TGFA: variants seen among roughly 807,000 people sequenced by gnomAD.
TGFA encodes the protein protransforming growth factor alpha.
A neutral mutation model predicts 21.7 loss-of-function variants in TGFA; 12 were observed. That is an observed-to-expected ratio of 0.55 (90% CI 0.35 to 0.90). TGFA has a LOEUF of 0.90. Ranked by LOEUF, TGFA falls within the 40% of genes least tolerant of loss-of-function variation. The probability of loss-of-function intolerance (pLI) is 0.01; values close to 1 mark genes in which losing one functional copy is unlikely to be tolerated. For missense variants in TGFA, 178 were observed against 210.8 expected, an observed-to-expected ratio of 0.84 and a Z score of 0.96; for synonymous variants, 79 against 88.1, an observed-to-expected ratio of 0.90 and a Z score of 0.58.
chr2:70,458,153 G>C (rs1670296321), intron 3 of TGFA, among the ~76,000 whole-genome samples: 1 of 152,046 alleles, frequency 6.6e-6, no homozygotes, highest in Non-Finnish European at 1.5e-5. Context: ...ATTACATAAA[G>C]GCAAAGGTCA....
At position 70,529,495 on chromosome 2, in the gene TGFA, T is replaced by C. The variant is rs561686405; in HGVS notation, c.41-14583A>G. 1.8e-4 allele frequency among the ~76,000 whole-genome samples: 28 copies of C among 152,062 alleles called. No individual in the cohort carries two copies. The South Asian group carries it at 5.2e-3, about 28-fold the overall frequency. ...AGTCATCATGGATGTCTTTTCTGAATAGATGACATCTGACACAGGCCTGAA... is the reference window on the plus strand; with the variant it reads ...AGTCATCATGGATGTCTTTTCTGAACAGATGACATCTGACACAGGCCTGAA... On this transcript the variant is annotated intron_variant, in intron 1 of 5. Coordinates refer to ENST00000295400, the MANE Select transcript of TGFA (RefSeq NM_003236.4).
rs534350709 is a variant in TGFA, at chr2:70,485,247, C to T, written c.95-19511G>A. On this transcript the variant is annotated intron_variant, in intron 2 of 5. Transcript: ENST00000295400. ...GCCTACCTTCACAGTCATCCCCCCC[C>T]TTTCTTTTTGAGACAGACTCTTGCC... is the stretch of plus-strand genomic sequence containing the variant. Among the ~76,000 whole-genome samples, 6 of 152,188 alleles carry T rather than the reference C, an allele frequency of 3.9e-5. No individual in the cohort carries two copies. The South Asian group carries it at 1.2e-3, about 32-fold the overall frequency.
intron 1 of TGFA, among the ~76,000 whole-genome samples, chr2:70,515,126 G>A (rs1315123431): frequency 6.6e-6 from 1 of 152,156 alleles, no homozygotes; most frequent in Non-Finnish European, 1.5e-5. Flanking sequence ...CCCATGAAAA[G>A]CACTGAAATC....
intron 2 of TGFA, among the ~76,000 whole-genome samples, chr2:70,468,164 A>T (rs919597267): frequency 1.3e-5 from 2 of 152,248 alleles, no homozygotes; most frequent in African/African-American, 2.4e-5. Context: ...CCACTACAGT[A>T]AGTAATCCCC....
intron 1 of TGFA, among the ~76,000 whole-genome samples, chr2:70,543,252 G>A (rs1446680228): frequency 6.6e-6 from 1 of 151,892 alleles, no homozygotes; most frequent in African/African-American, 2.4e-5. Flanking sequence ...ACTAGGCCTG[G>A]CATGGTGGCT....
chr2:70,487,302 G>A (rs1553496868), intron 2 of TGFA, among the ~76,000 whole-genome samples: 1 of 152,162 alleles, frequency 6.6e-6, no homozygotes, highest in African/African-American at 2.4e-5. Flanking sequence ...TAAGTATTAT[G>A]CTACAGGTTG....
intron 2 of TGFA, among the ~76,000 whole-genome samples, chr2:70,504,109 T>C (rs1236648016): frequency 2.6e-5 from 4 of 152,000 alleles, no homozygotes; most frequent in Non-Finnish European, 4.4e-5. Context: ...TCAGTGTTTG[T>C]TGAGTGGAAG....
At chr2:70,515,605 G>T (rs1274293689) in intron 1 of TGFA, among the ~76,000 whole-genome samples, 5 of 152,096 alleles carry the variant, frequency 3.3e-5, no homozygotes, top group Non-Finnish European at 7.4e-5. Flanking sequence ...CCTCCTCCCT[G>T]CCAGGATGTA....
intron 1 of TGFA, among the ~76,000 whole-genome samples, chr2:70,533,835 G>C (rs979220577): frequency 6.6e-6 from 1 of 152,014 alleles, no homozygotes; most frequent in Non-Finnish European, 1.5e-5. Context: ...AGACCATAAG[G>C]TCCTTTAAAT....
chr2:70,553,702 G>T (rs1553507198), intron 1 of TGFA, 26 bp downstream of exon 1: 4 of 1,332,692 alleles, frequency 3.0e-6, no homozygotes, highest in South Asian at 4.4e-5. Flanking sequence ...GCGCGGCGCA[G>T]GGGGCGCCGC....
At chr2:70,546,835 G>A (rs1482798972) in intron 1 of TGFA, among the ~76,000 whole-genome samples, 2 of 152,082 alleles carry the variant, frequency 1.3e-5, no homozygotes, top group East Asian at 3.9e-4. Context: ...GATTACAGGT[G>A]TGAGCCACCT....
chr2:70,511,589 A>G (rs1672101039), intron 2 of TGFA, among the ~76,000 whole-genome samples: 1 of 151,948 alleles, frequency 6.6e-6, no homozygotes, highest in Non-Finnish European at 1.5e-5. Context: ...GGATCTAACA[A>G]AAAGGAATCA....
At position 70,523,250 on chromosome 2, in the gene TGFA, C is replaced by T. The variant is rs534327958; in HGVS notation, c.41-8338G>A. 2.0e-5 allele frequency among the ~76,000 whole-genome samples: 3 copies of T among 152,278 alleles called. No individual in the cohort carries two copies. In the South Asian group the frequency reaches 6.2e-4, roughly 32 times the overall value. On this transcript the variant is annotated intron_variant, in intron 1 of 5. Coordinates refer to ENST00000295400, the MANE Select transcript of TGFA (RefSeq NM_003236.4). ...TTTATAAGAACACAAAGACTTCCAT[C>T]CAGTGACCCCAAAGAGGCCTGGCCA...
chr2:70,486,323 G>C (rs1344780274), intron 2 of TGFA, among the ~76,000 whole-genome samples: 1 of 152,160 alleles, frequency 6.6e-6, no homozygotes, highest in Non-Finnish European at 1.5e-5. Context: ...CCGTGTCTGA[G>C]TACCTCTAAG....
intron 2 of TGFA, 42 bp from the exon 3 acceptor site, chr2:70,465,778 T>C (rs1340701310): frequency 6.2e-7 from 1 of 1,609,736 alleles, no homozygotes; most frequent in Non-Finnish European, 8.5e-7. Flanking sequence ...CAGGAACAGC[T>C]GACATGCAAA....
chr2:70,521,617 G>GTTTTTTTTTTTT lies in TGFA; in HGVS notation c.41-6717_41-6706dup, dbSNP rs35177436. 1.8e-3 allele frequency among the ~76,000 whole-genome samples: 157 copies of GTTTTTTTTTTTT among 87,044 alleles called. 1 individual carries two copies. The highest frequency in any genetic ancestry group is 8.6e-3 in the Middle Eastern group (1 of 116). 57.1% of individuals were successfully genotyped at this position (87,044 alleles called of 152,430 possible). A position where few individuals can be genotyped will look rare whatever the true frequency, so the allele number is the denominator to read the frequency against. ...TAGTTTTTTTTGTTGTTGTTTGTTT[G>GTTTTTTTTTTTT]TTTTTTTTTTTTTTTTTTTTTGAGT... is the stretch of plus-strand genomic sequence containing the variant. On this transcript the variant is annotated intron_variant, in intron 1 of 5. Transcript: ENST00000295400.
chr2:70,466,439 C>T lies in TGFA; in HGVS notation c.95-703G>A, dbSNP rs782009890. 3.5e-4 allele frequency among the ~76,000 whole-genome samples: 53 copies of T among 152,116 alleles called. 1 individual carries two copies. The highest frequency in any genetic ancestry group is 4.3e-4 in the Non-Finnish European group (29 of 68,020). On this transcript the variant is annotated intron_variant, in intron 2 of 5. Transcript: ENST00000295400. ...GGAGAATGGCGAGAACCCCGGGGGG[C>T]GGAGCCTGCAGTGAGCCGAGATTGT...
At chr2:70,472,032 C>T (rs556519946) in intron 2 of TGFA, among the ~76,000 whole-genome samples, 2 of 152,140 alleles carry the variant, frequency 1.3e-5, no homozygotes, top group African/African-American at 4.8e-5. Flanking sequence ...CTCTATCTCC[C>T]TTCACTCTCC....
In TGFA at chr2:70,483,476, T is replaced by A. The variant is rs112899436; in HGVS notation, c.95-17740A>T. Among the ~76,000 whole-genome samples the A allele has an allele frequency of 9.2e-5, 14 of 152,324 alleles. 1 individual carries two copies. Among genetic ancestry groups the A allele is most frequent in the African/African-American group, 3.4e-4 (14 of 41,584 alleles). The stretch of plus-strand genomic sequence containing the variant: ...AAAATTCATCTGTACCTGTGATGAG[T>A]AAACTCATCTGTGGTATTAGGGGTC... On this transcript the variant is annotated intron_variant, in intron 2 of 5. Transcript: ENST00000295400.
Sources: gnomAD v4.1 joint callset for allele counts (sites outside exome capture counted in the v4.1 genomes callset) on GRCh38, gnomAD v4.1.1 for gene constraint, MANE v1.5 for transcripts, NCBI Gene and HGNC (gene_info 2026-07-23, HGNC 2026-07-21) for gene names.